Variants in ASIC2 observed in about 807,000 individuals in gnomAD.
ASIC2 encodes acid sensing ion channel subunit 2.
ASIC2 carries 25 observed loss-of-function variants against 57.3 expected under a neutral mutation model. That is an observed-to-expected ratio of 0.44 (90% CI 0.32 to 0.61). The LOEUF is 0.61. Ranked by LOEUF, ASIC2 falls within the 20% of genes least tolerant of loss-of-function variation. ASIC2 has a pLI of 0.06. For missense variants in ASIC2, 641 were observed against 738.1 expected (o/e 0.87, Z 1.52); for synonymous variants, 319 against 307.5 (o/e 1.04, Z -0.39).
intron 1 of ASIC2, among the ~76,000 whole-genome samples, chr17:33,914,070 T>C (rs1255349619): frequency 6.6e-6 from 1 of 151,922 alleles, no homozygotes; most frequent in Non-Finnish European, 1.5e-5. Context: ...AAAGGGGGCG[T>C]AGAGTAGAGT....
intron 1 of ASIC2, among the ~76,000 whole-genome samples, chr17:33,611,563 A>G (rs1216001037): frequency 6.6e-6 from 1 of 152,218 alleles, no homozygotes; most frequent in Non-Finnish European, 1.5e-5. Context: ...TAGGCTAGGC[A>G]GGGTCAATCC....
At chr17:34,050,916 A>T (rs1229928781) in intron 1 of ASIC2, among the ~76,000 whole-genome samples, 2 of 152,334 alleles carry the variant, frequency 1.3e-5, no homozygotes, top group East Asian at 3.9e-4. Context: ...GACAGCCTGC[A>T]GATGCCTGAA....
intron 1 of ASIC2, among the ~76,000 whole-genome samples, chr17:33,748,867 G>A (rs901670716): frequency 6.6e-6 from 1 of 152,196 alleles, no homozygotes; most frequent in Non-Finnish European, 1.5e-5. Context: ...CGAGAGCCAC[G>A]CAGGAGCTCA....
rs967210715 is a variant in ASIC2 at position 33,518,311 on chromosome 17, G to A, written c.556-406244C>T. ...GTTTGAAGCCAATGGAAGTGCGGGCGAAGGAGAGACTGAGAAATGCTGCCC... is the reference window on the plus strand; with the variant it reads ...GTTTGAAGCCAATGGAAGTGCGGGCAAAGGAGAGACTGAGAAATGCTGCCC... On this transcript the variant is annotated intron_variant, in intron 1 of 9. Coordinates refer to the ASIC2 transcript ENST00000359872. Among the ~76,000 whole-genome samples the A allele has an allele frequency of 6.6e-5, 10 of 152,200 alleles. No individual in the cohort carries two copies. The East Asian group carries it at 9.6e-4, about 15-fold the overall frequency.
chr17:33,575,778 C>A (rs1916599877), intron 1 of ASIC2, among the ~76,000 whole-genome samples: 1 of 152,078 alleles, frequency 6.6e-6, no homozygotes, highest in African/African-American at 2.4e-5. Flanking sequence ...GTTTCATGGG[C>A]AGAGGGGCAG....
At chr17:33,443,209 C>T (rs1263746821) in intron 1 of ASIC2, among the ~76,000 whole-genome samples, 1 of 152,072 alleles carries the variant, frequency 6.6e-6, no homozygotes, top group Non-Finnish European at 1.5e-5. Context: ...TATTGGTCTG[C>T]AGGTTTCCTT....
chr17:33,696,658 G>A (rs775048839), intron 1 of ASIC2, among the ~76,000 whole-genome samples: 3 of 152,200 alleles, frequency 2.0e-5, no homozygotes, highest in Non-Finnish European at 4.4e-5. Flanking sequence ...CAACCTCCAT[G>A]TAGTTGAAAA....
chr17:33,712,481 C>T (rs1909069801), intron 1 of ASIC2, among the ~76,000 whole-genome samples: 1 of 152,150 alleles, frequency 6.6e-6, no homozygotes, highest in South Asian at 2.1e-4. Flanking sequence ...TACTATTTCA[C>T]AGTTTCTGTG....
Position 33,291,471 on chromosome 17 carries a change from C to T in ASIC2, c.645G>A (p.Leu215=). ...AAFMDRLGHQ[L]EDMLLSCKYR... ...ACTTGCAGGAGAGCAGCATGTCCTC[C>T]AGCTGGTGGCCCAGGCGGTCCATGA... The change falls in exon 1 of 10, where the codon CTG becomes CTA. Residue 215 remains leucine (L), a synonymous_variant. Coordinates refer to ENST00000225823, the MANE Select transcript of ASIC2 (RefSeq NM_183377.2). 1 of 1,612,372 alleles carries T rather than the reference C, an allele frequency of 6.2e-7. No individual in the cohort carries two copies. The highest frequency in any genetic ancestry group is 8.5e-7 in the Non-Finnish European group (1 of 1,179,656).
At chr17:34,090,140 C>T (rs967379106) in intron 1 of ASIC2, among the ~76,000 whole-genome samples, 4 of 152,124 alleles carry the variant, frequency 2.6e-5, no homozygotes, top group Admixed American at 6.6e-5. Context: ...GCTCTACTGA[C>T]ATTTTAGGTG....
At chr17:33,579,636 G>T (rs913019003) in intron 1 of ASIC2, among the ~76,000 whole-genome samples, 3 of 151,788 alleles carry the variant, frequency 2.0e-5, no homozygotes, top group Non-Finnish European at 4.4e-5. Flanking sequence ...AGCTGCGTCT[G>T]AAGTTTCTTC....
chr17:33,026,615 A>G (rs1319711020), intron 4 of ASIC2, among the ~76,000 whole-genome samples: 1 of 152,212 alleles, frequency 6.6e-6, no homozygotes, highest in Non-Finnish European at 1.5e-5. Context: ...AGATGTCAGT[A>G]TTAGTGTCAT....
chr17:33,165,769 G>A lies in ASIC2; in HGVS notation c.709-53702C>T, dbSNP rs181709935. On this transcript the variant is annotated intron_variant, in intron 1 of 9. Transcript: ENST00000225823. ...AGCTACCTTTTGAGGAGAGGAACAA[G>A]GAAAAAGGTAAATGGTAATGGAGGA... is the stretch of plus-strand genomic sequence containing the variant. Among the ~76,000 whole-genome samples, 626 of 152,152 alleles carry A rather than the reference G, an allele frequency of 4.1e-3. 4 individuals carry two copies. Among genetic ancestry groups the A allele is most frequent in the South Asian group, 0.027 (129 of 4,816 alleles).
intron 1 of ASIC2, among the ~76,000 whole-genome samples, chr17:33,603,663 A>G (rs1005348527): frequency 6.6e-6 from 1 of 152,242 alleles, no homozygotes; most frequent in Non-Finnish European, 1.5e-5. Context: ...ACTGGATTCT[A>G]GATCCTTCCC....
Position 33,850,550 on chromosome 17 carries a change from A to G in ASIC2, c.555+305428T>C, listed in dbSNP as rs541880523. Among the ~76,000 whole-genome samples, 6 of 152,342 alleles carry G rather than the reference A, an allele frequency of 3.9e-5. 1 individual carries two copies. The South Asian group carries it at 1.2e-3, about 32-fold the overall frequency. ...AAATAGATATTAAGGGGAGAACATG[A>G]AAACAGTTGATCTGCTTGGTTTGAC... is the stretch of plus-strand genomic sequence containing the variant. On this transcript the variant is annotated intron_variant, in intron 1 of 9. Coordinates refer to the ASIC2 transcript ENST00000359872.
intron 1 of ASIC2, among the ~76,000 whole-genome samples, chr17:33,276,720 A>T (rs7225238): frequency 0.34 from 51,095 of 152,112 alleles, 8,743 homozygotes; most frequent in Admixed American, 0.42. Flanking sequence ...GAAAGAGTTA[A>T]CTTAATAGAA....
chr17:33,570,167 C>T (rs1224788502), intron 1 of ASIC2, among the ~76,000 whole-genome samples: 10 of 152,208 alleles, frequency 6.6e-5, no homozygotes, highest in African/African-American at 2.4e-4. Context: ...ATCTGACTCA[C>T]CCTTTGGGTT....
At chr17:33,924,241 C>T (rs1177575195) in intron 1 of ASIC2, among the ~76,000 whole-genome samples, 1 of 152,200 alleles carries the variant, frequency 6.6e-6, no homozygotes. Context: ...GAGGAACAGC[C>T]CAGCGTGCTC....
intron 1 of ASIC2, among the ~76,000 whole-genome samples, chr17:34,105,196 C>T (rs556014136): frequency 1.3e-5 from 2 of 151,844 alleles, no homozygotes; most frequent in African/African-American, 2.4e-5. Flanking sequence ...TGACTCAAGG[C>T]GTTTGCTCAT....
Sources: gnomAD v4.1 joint callset for allele counts (sites outside exome capture counted in the v4.1 genomes callset) on GRCh38, gnomAD v4.1.1 for gene constraint, MANE v1.5 for transcripts, NCBI Gene and HGNC (gene_info 2026-07-23, HGNC 2026-07-21) for gene names.